Variants in ATM observed in about 807,000 individuals in gnomAD.
ATM encodes the protein serine-protein kinase ATM.
ATM carries 308 observed loss-of-function variants against 387.0 expected under a neutral mutation model. The observed-to-expected ratio is 0.80, with a 90% CI of 0.73 to 0.87. ATM has a LOEUF of 0.87. Ranked by LOEUF, ATM falls within the 40% of genes least tolerant of loss-of-function variation. ATM has a pLI of 0.00. For missense variants in ATM, 3,312 were observed against 3,560.9 expected, an observed-to-expected ratio of 0.93 and a Z score of 1.78; for synonymous variants, 1,156 against 1,187.3, an observed-to-expected ratio of 0.97 and a Z score of 0.54.
At chr11:108,293,094 G>A (rs1408215434) in intron 30 of ATM, among the ~76,000 whole-genome samples, 1 of 152,028 alleles carries the variant, frequency 6.6e-6, no homozygotes, top group Non-Finnish European at 1.5e-5. Flanking sequence ...ATTAATATTG[G>A]CATTTTTTTT....
At chr11:108,265,188 CA>C (rs1329836198) in intron 16 of ATM, among the ~76,000 whole-genome samples, 1 of 151,602 alleles carries the variant, frequency 6.6e-6, no homozygotes, top group African/African-American at 2.4e-5. Context: ...AATCCTAAGC[CA>C]AAAGAACAAA....
chr11:108,325,128 C>T (rs1409372230), intron 45 of ATM, among the ~76,000 whole-genome samples, 182 bp from the exon 46 acceptor site: 2 of 151,964 alleles, frequency 1.3e-5, no homozygotes, highest in African/African-American at 4.8e-5. Flanking sequence ...GACCGCATAG[C>T]ATTTTGTAGT....
intron 49 of ATM, 33 bp from the exon 50 acceptor site, chr11:108,330,181 C>G (rs1565529129): frequency 3.8e-6 from 6 of 1,597,562 alleles, no homozygotes; most frequent in East Asian, 2.3e-5. Context: ...AAGTTCATGG[C>G]TTTTGTGTTT....
intron 61 of ATM, 78 bp from the exon 62 acceptor site, chr11:108,365,004 T>C (rs2137857834): frequency 6.5e-7 from 1 of 1,528,030 alleles, no homozygotes; most frequent in Non-Finnish European, 9.0e-7. Context: ...CTTATTTGTA[T>C]GATACTGGTT....
At position 108,317,467 on chromosome 11, in the gene ATM, T is replaced by C. The variant is rs587780631; in HGVS notation, c.6293T>C (p.Leu2098Pro). The C allele has an allele frequency of 6.8e-6, 11 of 1,612,618 alleles. No individual in the cohort carries two copies. The highest frequency in any genetic ancestry group is 3.3e-5 in the South Asian group (3 of 91,054). ...GACTGGTGTCCTGAACTAGAAGAAC[T>C]TCATTACCAAGCAGCATGGAGGAAT... The part of the protein sequence containing the change: ...NKDWCPELEE[L>P]HYQAAWRNMQ... Residue 2098 changes from leucine to proline, a missense_variant, in exon 43 of 63, where the codon CTT (leucine) becomes CCT (proline). This residue lies in a region of ATM where 1,405 missense variants were observed against 1,604.4 expected (regional missense o/e 0.88). Transcript: ENST00000675843.
At chr11:108,264,374 CAAA>C (rs1246686631) in intron 16 of ATM, among the ~76,000 whole-genome samples, 1 of 152,092 alleles carries the variant, frequency 6.6e-6, no homozygotes, top group African/African-American at 2.4e-5. Context: ...GAACCAAAGA[CAAA>C]AAACACATGA....
chr11:108,271,977 A>G (rs545845019), intron 20 of ATM, among the ~76,000 whole-genome samples: 6 of 152,240 alleles, frequency 3.9e-5, no homozygotes, highest in Admixed American at 1.3e-4. Flanking sequence ...GGTTCAAGCA[A>G]TTGTCCTGCC....
intron 45 of ATM, among the ~76,000 whole-genome samples, chr11:108,323,342 A>T (rs1397819298): frequency 1.3e-5 from 2 of 152,170 alleles, no homozygotes; most frequent in Non-Finnish European, 2.9e-5. Flanking sequence ...TGCTGAAAAG[A>T]GTACAGAATT....
chr11:108,332,614 TG>T (rs1565535578), intron 52 of ATM, 147 bp from the exon 53 acceptor site: 1 of 854,194 alleles, frequency 1.2e-6, no homozygotes, highest in Non-Finnish European at 1.8e-6. Flanking sequence ...ATTTCATTTA[TG>T]ACTGTTTTGT....
chr11:108,353,649 G>A (rs1382389851), intron 59 of ATM, 117 bp from the exon 60 acceptor site: 1 of 801,118 alleles, frequency 1.2e-6, no homozygotes, highest in Non-Finnish European at 2.2e-6. Context: ...GTACATACTA[G>A]TGTTCATAGA....
At chr11:108,299,577 G>A (rs530944816) in intron 33 of ATM, 137 bp from the exon 34 acceptor site, 9 of 840,902 alleles carry the variant, frequency 1.1e-5, no homozygotes, top group African/African-American at 3.4e-5. Flanking sequence ...GATTACAGTC[G>A]TGAGCCACCG....
intron 16 of ATM, among the ~76,000 whole-genome samples, chr11:108,259,999 T>C (rs2080761720): frequency 6.6e-6 from 1 of 151,408 alleles, no homozygotes; most frequent in Non-Finnish European, 1.5e-5. Context: ...TGATAGTGAA[T>C]AGTATATATG....
intron 22 of ATM, among the ~76,000 whole-genome samples, chr11:108,275,900 A>G (rs1197360776): frequency 6.6e-6 from 1 of 152,024 alleles, no homozygotes; most frequent in Non-Finnish European, 1.5e-5. Flanking sequence ...CTGAATTTGA[A>G]TGTTGGCCTG....
Position 108,234,751 on chromosome 11 carries a change from G to A in ATM, c.332-919G>A, listed in dbSNP as rs560978937. ...AGTTGCTCAGGAGGCTAAGGTGGGA[G>A]GATCCCTTGAGCCTGAGAGGTTGAG... On this transcript the variant is annotated intron_variant, in intron 4 of 62. Transcript: ENST00000675843. Among the ~76,000 whole-genome samples the A allele has an allele frequency of 2.0e-3, 299 of 152,152 alleles. 1 individual carries two copies. Among genetic ancestry groups the A allele is most frequent in the African/African-American group, 6.7e-3 (278 of 41,522 alleles).
chr11:108,316,243 G>T (rs55982799), intron 42 of ATM, 130 bp downstream of exon 42: 39 of 960,834 alleles, frequency 4.1e-5, no homozygotes, highest in Non-Finnish European at 1.6e-5. Flanking sequence ...TTTTTCAGAG[G>T]ATTAGGCTAA....
At chr11:108,266,551 G>A (rs1475091469) in intron 16 of ATM, among the ~76,000 whole-genome samples, 1 of 150,410 alleles carries the variant, frequency 6.6e-6, no homozygotes, top group Non-Finnish European at 1.5e-5. Flanking sequence ...CGAGTTAGTG[G>A]GTGCAGCACA....
intron 61 of ATM, chr11:108,356,042 C>A (rs1591320874): frequency 6.6e-6 from 1 of 152,138 alleles, no homozygotes; most frequent in East Asian, 1.9e-4. Context: ...AAAATACATT[C>A]TTTTTTCTTT....
chr11:108,331,375 T>A, intron 50 of ATM, 69 bp from the exon 51 acceptor site: 1 of 1,557,416 alleles, frequency 6.4e-7, no homozygotes, highest in Non-Finnish European at 8.7e-7. Context: ...TAAAATAACT[T>A]ACTTGCTTAG....
intron 16 of ATM, among the ~76,000 whole-genome samples, chr11:108,259,335 A>G (rs1167293454): frequency 6.6e-6 from 1 of 152,038 alleles, no homozygotes; most frequent in Non-Finnish European, 1.5e-5. Flanking sequence ...TAAAAATACT[A>G]AAAATTAGCC....
Sources: allele counts gnomAD v4.1 joint callset (sites outside exome capture counted in the v4.1 genomes callset), GRCh38; gene constraint gnomAD v4.1.1; regional missense constraint gnomAD v4.1.1; transcripts MANE v1.5; gene names NCBI Gene and HGNC (gene_info 2026-07-23, HGNC 2026-07-21).